Variants in PHAF1 observed in about 807,000 individuals in gnomAD.
PHAF1 encodes phagosome assembly factor 1.
A neutral mutation model predicts 63.1 loss-of-function variants in PHAF1; 23 were observed. The ratio of observed to expected loss-of-function variants is 0.36; its 90% CI spans 0.26 to 0.52. The LOEUF is 0.52. Among genes scored for constraint, PHAF1 ranks in the 20% least tolerant of loss-of-function variants. The pLI is 0.93. For missense variants in PHAF1, 427 were observed against 517.2 expected (o/e 0.83, Z 1.69); for synonymous variants, 167 against 185.0 (o/e 0.90, Z 0.79).
rs529186482 is a variant in PHAF1 at position 67,110,024 on chromosome 16, C to T, written c.-152C>T. 94 of 721,980 alleles carry T rather than the reference C, an allele frequency of 1.3e-4. No homozygotes were observed. The highest frequency in any genetic ancestry group is 1.8e-4 in the Admixed American group (7 of 37,946). 44.7% of individuals were successfully genotyped at this position (721,980 alleles called of 1,614,324 possible). A position where few individuals can be genotyped will look rare whatever the true frequency, so the allele number is the denominator to read the frequency against. On this transcript the variant is annotated 5_prime_UTR_variant, in exon 1 of 16. Transcript: ENST00000219139. The stretch of plus-strand genomic sequence containing the variant: ...AGTGAGGTGAGGTGTGGTGTTGGGC[C>T]GGTGCTGCTGCCGCTGCCGCCGGGG...
chr16:67,142,828 C>T (rs1003967744), intron 10 of PHAF1, among the ~76,000 whole-genome samples: 2 of 152,210 alleles, frequency 1.3e-5, no homozygotes, highest in African/African-American at 4.8e-5. Context: ...CCCATAGGCT[C>T]TGCATAGTTC....
At chr16:67,138,746 T>A (rs1963696770) in intron 8 of PHAF1, among the ~76,000 whole-genome samples, 1 of 152,226 alleles carries the variant, frequency 6.6e-6, no homozygotes. Context: ...CTTTTATTCC[T>A]CCACTTAGCT....
At chr16:67,125,055 G>T (rs1963132741) in intron 2 of PHAF1, among the ~76,000 whole-genome samples, 2 of 152,154 alleles carry the variant, frequency 1.3e-5, no homozygotes, top group South Asian at 4.1e-4. Context: ...AATTGCATTG[G>T]ACCAGAAGCA....
chr16:67,122,601 A>C lies in PHAF1; in HGVS notation c.147+2407A>C, dbSNP rs141427768. Among the ~76,000 whole-genome samples the C allele has an allele frequency of 5.7e-3, 853 of 149,996 alleles. 3 individuals carry two copies. The highest frequency in any genetic ancestry group is 0.019 in the African/African-American group (796 of 41,014). ...AAAAAAAAAAAAAAATGGGTTTTTG[A>C]GTCTGAATCCTGATTTAGATCTCTG... On this transcript the variant is annotated intron_variant, in intron 2 of 15. Coordinates refer to ENST00000219139, the MANE Select transcript of PHAF1 (RefSeq NM_025187.5).
At chr16:67,142,552 T>C (rs1308296778) in intron 10 of PHAF1, among the ~76,000 whole-genome samples, 2 of 152,142 alleles carry the variant, frequency 1.3e-5, no homozygotes, top group Non-Finnish European at 2.9e-5. Flanking sequence ...CTGCCCTGAG[T>C]GCGTGCACTC....
intron 3 of PHAF1, among the ~76,000 whole-genome samples, chr16:67,130,197 C>T (rs925601032): frequency 6.6e-6 from 1 of 152,094 alleles, no homozygotes; most frequent in African/African-American, 2.4e-5. Context: ...CAGGCGCCCA[C>T]CACCACGCCT....
At chr16:67,138,178 G>A (rs1034251932) in intron 8 of PHAF1, among the ~76,000 whole-genome samples, 2 of 152,100 alleles carry the variant, frequency 1.3e-5, no homozygotes, top group Non-Finnish European at 1.5e-5. Context: ...ACATCCACAC[G>A]TATCTGGTGC....
In PHAF1 at chr16:67,131,274, AC is replaced by A. The variant is rs1963389524; in HGVS notation, c.232-11del. ...CTTTCAGAGCATTGACAACTCTTAA[AC>A]TTTTTTTTAGGTGATCGAAGTATGT... is the stretch of plus-strand genomic sequence containing the variant. On this transcript the variant is annotated splice_polypyrimidine_tract_variant and intron_variant, in intron 3 of 15. Transcript: ENST00000219139. 1 of 1,577,068 alleles carries A rather than the reference AC, an allele frequency of 6.3e-7. No homozygotes were observed. Among genetic ancestry groups the A allele is most frequent in the African/African-American group, 1.4e-5 (1 of 73,690 alleles).
intron 1 of PHAF1, 81 bp from the exon 2 acceptor site, chr16:67,120,031 A>T (rs1446409393): frequency 8.4e-7 from 1 of 1,186,366 alleles, no homozygotes; most frequent in Non-Finnish European, 1.2e-6. Flanking sequence ...GCTTTACTGC[A>T]GGGACCAGTG....
intron 8 of PHAF1, chr16:67,135,652 A>G (rs751243806): frequency 4.0e-5 from 6 of 151,822 alleles, no homozygotes; most frequent in Admixed American, 1.3e-4. Flanking sequence ...ATTTTTGTCT[A>G]TGTGGAGATG....
chr16:67,126,215 G>A (rs753236787), intron 3 of PHAF1, among the ~76,000 whole-genome samples, 173 bp downstream of exon 3: 3 of 152,166 alleles, frequency 2.0e-5, no homozygotes, highest in Non-Finnish European at 4.4e-5. Context: ...CCTAAAAAGA[G>A]GGAAGATGGA....
intron 3 of PHAF1, among the ~76,000 whole-genome samples, chr16:67,129,112 G>A (rs1288509387): frequency 3.0e-4 from 45 of 152,194 alleles, no homozygotes; most frequent in Admixed American, 2.9e-3. Flanking sequence ...GAAATGGCAT[G>A]CCAGTTTGGC....
rs2030062576 is a variant in PHAF1 at position 67,146,297 on chromosome 16, A to G, written c.1129A>G (p.Thr377Ala). ...VLHRSSSPNN[T>A]NPFGSTFCFG... ...CCTCAGGTCTTCCTCCCCAAACAACACCAACCCATTTGGTTCCACATTCTG... is the reference window on the plus strand; with the variant it reads ...CCTCAGGTCTTCCTCCCCAAACAACGCCAACCCATTTGGTTCCACATTCTG... Residue 377 changes from threonine to alanine, a missense_variant, in exon 15 of 16, where the codon ACC becomes GCC. Coordinates refer to ENST00000219139, the MANE Select transcript of PHAF1 (RefSeq NM_025187.5). 1 of 1,613,942 alleles carries G rather than the reference A, an allele frequency of 6.2e-7. No homozygotes were observed. The highest frequency in any genetic ancestry group is 8.5e-7 in the Non-Finnish European group (1 of 1,179,980).
chr16:67,132,823 A>G lies in PHAF1; in HGVS notation c.362A>G (p.Asn121Ser), dbSNP rs772517492. Reference protein sequence around the residue: ...SFGATHPGVYNSAEQLFHLNF... With the variant: ...SFGATHPGVYSSAEQLFHLNF... The stretch of plus-strand genomic sequence containing the variant: ...TCTCCCCCACCCCCAACAGTGTACA[A>G]CTCCGCTGAGCAGCTCTTCCATCTC... Residue 121 changes from asparagine (N) to serine (S), a missense_variant, in exon 6 of 16, where the codon AAC becomes AGC. Coordinates refer to ENST00000219139, the MANE Select transcript of PHAF1 (RefSeq NM_025187.5). The G allele has an allele frequency of 2.0e-5, 32 of 1,611,814 alleles. No homozygotes were observed. The highest frequency in any genetic ancestry group is 5.0e-5 in the Admixed American group (3 of 59,986).
At chr16:67,119,078 G>A (rs549063744) in intron 1 of PHAF1, among the ~76,000 whole-genome samples, 2 of 152,130 alleles carry the variant, frequency 1.3e-5, no homozygotes, top group Admixed American at 1.3e-4. Flanking sequence ...ACCCAGTCCT[G>A]ATTTTAAACT....
intron 1 of PHAF1, among the ~76,000 whole-genome samples, chr16:67,115,876 G>A (rs1320287338): frequency 6.6e-6 from 1 of 152,184 alleles, no homozygotes; most frequent in East Asian, 1.9e-4. Flanking sequence ...GCATGGGCTG[G>A]GAGCGGTGGC....
At chr16:67,128,881 A>G (rs955891051) in intron 3 of PHAF1, among the ~76,000 whole-genome samples, 1 of 152,164 alleles carries the variant, frequency 6.6e-6, no homozygotes, top group Non-Finnish European at 1.5e-5. Context: ...AAGCACCTAT[A>G]TGTGTTGGAC....
chr16:67,138,805 C>G (rs1181372660), intron 8 of PHAF1, among the ~76,000 whole-genome samples: 1 of 152,166 alleles, frequency 6.6e-6, no homozygotes, highest in African/African-American at 2.4e-5. Context: ...TTGGAGGGCT[C>G]TGTCAGGTGT....
rs186363037 is a variant in PHAF1 at position 67,147,584 on chromosome 16, C to A, written c.*453C>A. 394 of 159,374 alleles carry A rather than the reference C, an allele frequency of 2.5e-3. 2 individuals are homozygous for A. The highest frequency in any genetic ancestry group is 9.1e-3 in the Middle Eastern group (3 of 328). 9.9% of individuals were successfully genotyped at this position (159,374 alleles called of 1,614,324 possible). On this transcript the variant is annotated 3_prime_UTR_variant, in exon 16 of 16. Coordinates refer to ENST00000219139, the MANE Select transcript of PHAF1 (RefSeq NM_025187.5). Reference sequence around the variant, plus strand: ...GTAGCGTGTCCATAGTACTTGGTTGCGACATTTGCACTACATCCACTTTAG... The same window carrying A: ...GTAGCGTGTCCATAGTACTTGGTTGAGACATTTGCACTACATCCACTTTAG...
Sources: allele counts gnomAD v4.1 joint callset (sites outside exome capture counted in the v4.1 genomes callset), GRCh38; gene constraint gnomAD v4.1.1; transcripts MANE v1.5; gene names NCBI Gene and HGNC (gene_info 2026-07-23, HGNC 2026-07-21).